Variants in COL25A1 observed in about 807,000 individuals in gnomAD.
COL25A1 encodes collagen alpha-1(XXV) chain.
A neutral mutation model predicts 128.4 loss-of-function variants in COL25A1; 103 were observed. That is an observed-to-expected ratio of 0.80 (90% CI 0.68 to 0.94). COL25A1 has a LOEUF of 0.94. Among genes scored for constraint, COL25A1 ranks in the 40% least tolerant of loss-of-function variants. COL25A1 has a pLI of 0.00. For synonymous variants in COL25A1, 279 were observed against 277.2 expected (o/e 1.01, Z -0.06); for missense variants, 745 against 840.0 (o/e 0.89, Z 1.40).
chr4:109,251,260 T>C (rs1207083912), intron 3 of COL25A1, among the ~76,000 whole-genome samples: 1 of 152,242 alleles, frequency 6.6e-6, no homozygotes, highest in African/African-American at 2.4e-5. Flanking sequence ...ATGGTATTGA[T>C]AACTACCTTC....
At chr4:108,905,752 C>A (rs1241572671) in intron 13 of COL25A1, among the ~76,000 whole-genome samples, 1 of 150,522 alleles carries the variant, frequency 6.6e-6, no homozygotes, top group Admixed American at 6.6e-5. Flanking sequence ...AGTATTAAAG[C>A]AAGTCAACAT....
intron 5 of COL25A1, among the ~76,000 whole-genome samples, chr4:109,015,067 T>A (rs1051669752): frequency 6.6e-6 from 1 of 152,206 alleles, no homozygotes; most frequent in Non-Finnish European, 1.5e-5. Context: ...TTTCTGGTGA[T>A]ATGGTAATGG....
At chr4:109,120,655 A>G (rs1040210195) in intron 3 of COL25A1, among the ~76,000 whole-genome samples, 12 of 151,926 alleles carry the variant, frequency 7.9e-5, no homozygotes, top group African/African-American at 2.9e-4. Context: ...CAAAAAATGC[A>G]AAAATTAGCT....
At chr4:108,955,915 T>C (rs1229241998) in intron 8 of COL25A1, among the ~76,000 whole-genome samples, 1 of 152,148 alleles carries the variant, frequency 6.6e-6, no homozygotes, top group Non-Finnish European at 1.5e-5. Context: ...AGATTACTAA[T>C]GAAAACTTTG....
intron 18 of COL25A1, among the ~76,000 whole-genome samples, chr4:108,885,554 G>A (rs1043760748): frequency 3.3e-5 from 5 of 152,144 alleles, no homozygotes; most frequent in South Asian, 2.1e-4. Flanking sequence ...GAATGTCCAA[G>A]TAGATTAAAT....
intron 8 of COL25A1, among the ~76,000 whole-genome samples, chr4:108,949,699 A>AT (rs369710278): frequency 2.4e-3 from 360 of 150,782 alleles, no homozygotes; most frequent in African/African-American, 8.1e-3. Flanking sequence ...ACGCCTGCTA[A>AT]TTTTTTTTTG....
intron 3 of COL25A1, among the ~76,000 whole-genome samples, chr4:109,288,954 A>G (rs1157062423): frequency 1.6e-5 from 2 of 124,778 alleles, no homozygotes; most frequent in African/African-American, 7.0e-5. Flanking sequence ...GGAATACTAA[A>G]TTATATATAC....
intron 3 of COL25A1, among the ~76,000 whole-genome samples, chr4:109,209,073 G>A (rs914447129): frequency 2.0e-5 from 3 of 151,950 alleles, no homozygotes; most frequent in South Asian, 4.1e-4. Context: ...GCTTTTGCAG[G>A]TCCTCTTCCA....
chr4:109,191,861 T>A (rs1186413622), intron 3 of COL25A1, among the ~76,000 whole-genome samples: 1 of 152,218 alleles, frequency 6.6e-6, no homozygotes, highest in Non-Finnish European at 1.5e-5. Flanking sequence ...ATCTCTATGC[T>A]AGAGGAATTT....
intron 3 of COL25A1, among the ~76,000 whole-genome samples, chr4:109,162,932 T>C (rs1429373739): frequency 6.6e-6 from 1 of 152,222 alleles, no homozygotes; most frequent in Non-Finnish European, 1.5e-5. Context: ...TCGTTCTCTC[T>C]TCCTCCCCTT....
At chr4:108,856,071 C>A (rs1172367749) in intron 24 of COL25A1, among the ~76,000 whole-genome samples, 1 of 152,210 alleles carries the variant, frequency 6.6e-6, no homozygotes, top group Non-Finnish European at 1.5e-5. Flanking sequence ...TAAAGCCCAG[C>A]AGCCTGCTTT....
intron 6 of COL25A1, among the ~76,000 whole-genome samples, chr4:109,003,368 C>T (rs566248376): frequency 1.3e-4 from 20 of 152,184 alleles, no homozygotes; most frequent in Non-Finnish European, 2.6e-4. Flanking sequence ...GCACATTGTA[C>T]CTTATATATA....
chr4:109,202,537 A>G (rs1776633130), intron 3 of COL25A1, among the ~76,000 whole-genome samples: 2 of 152,178 alleles, frequency 1.3e-5, no homozygotes, highest in South Asian at 4.1e-4. Context: ...GAGAAAATCC[A>G]TGTGATCTTG....
At chr4:108,920,867 C>T in intron 11 of COL25A1, 1 of 324,876 alleles carries the variant, frequency 3.1e-6, no homozygotes, top group East Asian at 4.6e-5. Flanking sequence ...GCTGTTCCAG[C>T]ACATATTGTT....
At chr4:109,203,589 G>A (rs1239315999) in intron 3 of COL25A1, among the ~76,000 whole-genome samples, 5 of 152,136 alleles carry the variant, frequency 3.3e-5, no homozygotes, top group South Asian at 2.1e-4. Flanking sequence ...GAGAACTCCC[G>A]CAGGATGCCA....
At chr4:109,077,828 A>C (rs1348920100) in intron 3 of COL25A1, among the ~76,000 whole-genome samples, 1 of 152,230 alleles carries the variant, frequency 6.6e-6, no homozygotes, top group Admixed American at 6.5e-5. Flanking sequence ...CCACAATGTG[A>C]GGAGGTCATT....
chr4:108,863,502 C>G (rs984662262), intron 20 of COL25A1, 115 bp from the exon 21 acceptor site: 11 of 741,198 alleles, frequency 1.5e-5, no homozygotes, highest in Non-Finnish European at 2.2e-5. Context: ...CATTGATTTA[C>G]CCTGTACCCA....
chr4:109,113,276 TC>T (rs1308232764), intron 3 of COL25A1, among the ~76,000 whole-genome samples: 1 of 152,126 alleles, frequency 6.6e-6, no homozygotes, highest in African/African-American at 2.4e-5. Context: ...AAGAGATTTG[TC>T]ACCAATGTGC....
rs1361069990 is a variant in COL25A1, at chr4:108,889,258, T to C, written c.940-2A>G. 1.9e-6 allele frequency: 3 copies of C among 1,613,670 alleles called. No individual in the cohort carries two copies. The highest frequency in any genetic ancestry group is 1.7e-5 in the Admixed American group (1 of 59,998). On this transcript the variant is annotated splice_acceptor_variant, in intron 17 of 37. Transcript: ENST00000399132. LOFTEE classifies it high-confidence loss of function. ...ACGACCAGATTCCCCAGGTTCTCCC[T>C]GGCCAAAGAAAACCAAAGATGAAAA...
Sources: gnomAD v4.1 joint callset for allele counts (sites outside exome capture counted in the v4.1 genomes callset) on GRCh38, gnomAD v4.1.1 for gene constraint, MANE v1.5 for transcripts, NCBI Gene and HGNC (gene_info 2026-07-23, HGNC 2026-07-21) for gene names.